The following SLC26A4 variants were observed in gnomAD, a reference collection of about 807,000 sequenced individuals.
SLC26A4 encodes pendrin.
SLC26A4 carries 93 observed loss-of-function variants against 90.4 expected under a neutral mutation model. The observed-to-expected ratio is 1.03, with a 90% CI of 0.87 to 1.22. SLC26A4 has a LOEUF of 1.22. Among genes scored for constraint, SLC26A4 ranks in the 50% most tolerant of loss-of-function variants. The probability of loss-of-function intolerance (pLI) is 0.00; values close to 1 mark genes in which losing one functional copy is unlikely to be tolerated. For synonymous variants in SLC26A4, 393 were observed against 354.6 expected, an observed-to-expected ratio of 1.11 and a Z score of -1.22; for missense variants, 1,127 against 946.2, an observed-to-expected ratio of 1.19 and a Z score of -2.51.
chr7:107,698,185 CAAGGTAGCCA>C, intron 14 of SLC26A4, 74 bp downstream of exon 14: 1 of 949,084 alleles, frequency 1.1e-6, no homozygotes, highest in Non-Finnish European at 1.7e-6. Flanking sequence ...ATTTTACGTA[CAAGGTAGCCA>C]AAGGGAGAAA....
chr7:107,698,819 A>G (rs1423985829), intron 14 of SLC26A4, among the ~76,000 whole-genome samples: 2 of 152,148 alleles, frequency 1.3e-5, no homozygotes, highest in Non-Finnish European at 2.9e-5. Context: ...TATCCTTGGT[A>G]TTAGAAGAAA....
Position 107,675,189 on chromosome 7 carries a change from G to T in SLC26A4, c.765+80G>T, listed in dbSNP as rs1363665293. 110 of 1,400,958 alleles carry T rather than the reference G, an allele frequency of 7.9e-5. 1 individual carries two copies. In the East Asian group the frequency reaches 2.5e-3, roughly 31 times the overall value. 86.8% of individuals were successfully genotyped at this position (1,400,958 alleles called of 1,614,324 possible). On this transcript the variant is annotated intron_variant, in intron 6 of 20. Coordinates refer to ENST00000644269, the MANE Select transcript of SLC26A4 (RefSeq NM_000441.2). Reference sequence around the variant, plus strand: ...GTATTCATTCTCTGAGTCTGGGCCAGGCGTGGTGGCTCACACCTGTAATCC... The same window carrying T: ...GTATTCATTCTCTGAGTCTGGGCCATGCGTGGTGGCTCACACCTGTAATCC...
rs369429214 is a variant in SLC26A4, at chr7:107,674,280, A to C, written c.532A>C (p.Thr178Pro). ...GTVLNTTMID[T>P]AARDTARVLI... The stretch of plus-strand genomic sequence containing the variant: ...TGTATTAAATACTACTATGATAGAC[A>C]CTGCAGCTAGAGATACAGCTAGAGT... Residue 178 changes from threonine (T) to proline (P), a missense_variant, in exon 5 of 21, where the codon ACT becomes CCT. Transcript: ENST00000644269. 5.9e-5 allele frequency: 95 copies of C among 1,613,182 alleles called. No homozygotes were observed. Among genetic ancestry groups the C allele is most frequent in the Non-Finnish European group, 7.7e-5 (91 of 1,179,272 alleles).
chr7:107,698,586 G>A (rs969690294), intron 14 of SLC26A4, among the ~76,000 whole-genome samples: 1 of 152,042 alleles, frequency 6.6e-6, no homozygotes, highest in African/African-American at 2.4e-5. Context: ...CAAAGAGTTG[G>A]GATTACAGGC....
chr7:107,664,889 A>G (rs746932441), intron 3 of SLC26A4, among the ~76,000 whole-genome samples: 6 of 152,132 alleles, frequency 3.9e-5, no homozygotes, highest in Non-Finnish European at 7.4e-5. Flanking sequence ...AAATATCGTT[A>G]TTTATTATAA....
intron 10 of SLC26A4, chr7:107,691,900 A>C: frequency 3.1e-6 from 4 of 1,280,330 alleles, no homozygotes; most frequent in Non-Finnish European, 4.1e-6. Context: ...AAAGCTGTGC[A>C]CATTTCAGGC....
At chr7:107,672,339 A>C in intron 4 of SLC26A4, 91 bp downstream of exon 4, 1 of 665,896 alleles carries the variant, frequency 1.5e-6, no homozygotes, top group East Asian at 3.1e-5. Context: ...AGGTTGGTGC[A>C]AAAGTAATTG....
intron 6 of SLC26A4, among the ~76,000 whole-genome samples, chr7:107,675,399 TG>T (rs1790998236): frequency 6.6e-6 from 1 of 151,300 alleles, no homozygotes; most frequent in Non-Finnish European, 1.5e-5. Context: ...CTCAGCTACT[TG>T]GGAGGCTGAG....
chr7:107,661,578 T>C lies in SLC26A4; in HGVS notation c.-3-61T>C. 1 of 1,504,306 alleles carries C rather than the reference T, an allele frequency of 6.6e-7. No individual in the cohort carries two copies. Among genetic ancestry groups the C allele is most frequent in the Non-Finnish European group, 8.9e-7 (1 of 1,117,548 alleles). 93.2% of individuals were successfully genotyped at this position (1,504,306 alleles called of 1,614,324 possible). A position where few individuals can be genotyped will look rare whatever the true frequency, so the allele number is the denominator to read the frequency against. ...TCCCGTTCTTTCTGTTCCTCGCTCT[T>C]CCCCTCCGATCGTCCTCGCTTACCG... On this transcript the variant is annotated intron_variant, in intron 1 of 20. Coordinates refer to ENST00000644269, the MANE Select transcript of SLC26A4 (RefSeq NM_000441.2). This position sits in a 1 kb window ranked among gnomAD's most constrained non-coding sequence, Gnocchi z 5.1.
intron 3 of SLC26A4, among the ~76,000 whole-genome samples, chr7:107,667,690 C>T (rs1193210334): frequency 6.6e-6 from 1 of 151,860 alleles, no homozygotes; most frequent in African/African-American, 2.4e-5. Flanking sequence ...AGAAAGAGAT[C>T]TGTGGTGCAA....
chr7:107,701,729 C>T, intron 16 of SLC26A4, 98 bp from the exon 17 acceptor site: 1 of 839,198 alleles, frequency 1.2e-6, no homozygotes, highest in Admixed American at 1.9e-5. Context: ...GTCTTGCTTA[C>T]CAAGGAACAG....
intron 10 of SLC26A4, 57 bp from the exon 11 acceptor site, chr7:107,694,346 C>A (rs1224021260): frequency 7.4e-7 from 1 of 1,349,804 alleles, no homozygotes; most frequent in Non-Finnish European, 1.1e-6. Context: ...ATCCAGTGAG[C>A]TGGAAGACAC....
Position 107,661,324 on chromosome 7 carries a change from G to A in SLC26A4, c.-3-315G>A. ...GAACGCGGACAGCGCCCTGGCTGCGGGCCATAGGGGACTGGGTGGAACTCG... is the reference window on the plus strand; with the variant it reads ...GAACGCGGACAGCGCCCTGGCTGCGAGCCATAGGGGACTGGGTGGAACTCG... On this transcript the variant is annotated intron_variant, in intron 1 of 20. Coordinates refer to ENST00000644269, the MANE Select transcript of SLC26A4 (RefSeq NM_000441.2). The surrounding 1 kb of genome is among the most constrained non-coding windows in gnomAD (Gnocchi z 5.1). 1 of 476,862 alleles carries A rather than the reference G, an allele frequency of 2.1e-6. No homozygotes were observed. The highest frequency in any genetic ancestry group is 3.8e-6 in the Non-Finnish European group (1 of 263,714). 29.5% of individuals were successfully genotyped at this position (476,862 alleles called of 1,614,324 possible).
At chr7:107,712,289 C>G (rs544250653) in intron 19 of SLC26A4, among the ~76,000 whole-genome samples, 174 of 152,226 alleles carry the variant, frequency 1.1e-3, no homozygotes, top group Non-Finnish European at 2.1e-3. Context: ...GGCATACACT[C>G]AAGAGGTTGG....
At chr7:107,705,344 G>A (rs1792012513) in intron 18 of SLC26A4, among the ~76,000 whole-genome samples, 1 of 152,178 alleles carries the variant, frequency 6.6e-6, no homozygotes, top group Admixed American at 6.5e-5. Flanking sequence ...ACCATTCGAT[G>A]TCTGACAGGT....
chr7:107,715,354 A>T (rs1406547023), intron 20 of SLC26A4, 69 bp from the exon 21 acceptor site: 1 of 1,246,120 alleles, frequency 8.0e-7, no homozygotes, highest in East Asian at 2.3e-5. Flanking sequence ...ACATATTTAT[A>T]AAAAAGATAA....
rs1228121692 is a variant in SLC26A4, at chr7:107,675,237, G to A, written c.765+128G>A. 2.1e-5 allele frequency: 17 copies of A among 813,006 alleles called. No individual in the cohort carries two copies. The African/African-American group carries it at 2.6e-4, about 12-fold the overall frequency. 50.4% of individuals were successfully genotyped at this position (813,006 alleles called of 1,614,324 possible). On this transcript the variant is annotated intron_variant, in intron 6 of 20. Transcript: ENST00000644269. ...TCCCAGCACTTTGGAAGGCCGAGGT[G>A]GGCAGATTGCTTGAGCCCAGGAGTT...
At chr7:107,673,325 T>G (rs1248278661) in intron 4 of SLC26A4, among the ~76,000 whole-genome samples, 1 of 152,098 alleles carries the variant, frequency 6.6e-6, no homozygotes, top group African/African-American at 2.4e-5. Context: ...CAGATTGACA[T>G]TTGATATGAA....
intron 8 of SLC26A4, among the ~76,000 whole-genome samples, chr7:107,686,240 T>C (rs909753973): frequency 5.3e-5 from 8 of 151,620 alleles, no homozygotes; most frequent in Non-Finnish European, 7.4e-5. Context: ...TTGTTACTCT[T>C]TCTTTCATTC....
Sources: gnomAD v4.1 joint callset for allele counts (sites outside exome capture counted in the v4.1 genomes callset) on GRCh38, gnomAD v4.1.1 for gene constraint, Gnocchi (gnomAD v3.1) non-coding constraint, MANE v1.5 for transcripts, NCBI Gene and HGNC (gene_info 2026-07-23, HGNC 2026-07-21) for gene names.